The following DENND4B variants were observed in gnomAD, a reference collection of about 807,000 sequenced individuals.
DENND4B encodes the protein DENN domain containing 4B.
In DENND4B, 67 loss-of-function variants were observed where a neutral mutation model predicts 161.0. That is an observed-to-expected ratio of 0.42 (90% CI 0.34 to 0.51). The LOEUF is 0.51. DENND4B is among the 20% of genes least tolerant of loss of function. The pLI, the probability that DENND4B is intolerant of heterozygous loss-of-function variation, is 0.08. For synonymous variants in DENND4B, 753 were observed against 813.8 expected, an observed-to-expected ratio of 0.93 and a Z score of 1.27; for missense variants, 1,481 against 1,968.0, an observed-to-expected ratio of 0.75 and a Z score of 4.68.
chr1:153,932,123 A>T lies in DENND4B; in HGVS notation c.3996+81T>A. The T allele has an allele frequency of 7.5e-7, 1 of 1,337,976 alleles. No individual in the cohort carries two copies. Among genetic ancestry groups the T allele is most frequent in the South Asian group, 1.3e-5 (1 of 74,578 alleles). 82.9% of individuals were successfully genotyped at this position (1,337,976 alleles called of 1,614,324 possible). ...TGCCTGGCCAGTCTATGCTCTTTCT[A>T]CAGTGCCAAGGACACAGTGGACAAA... On this transcript the variant is annotated intron_variant, in intron 24 of 27. Coordinates refer to ENST00000361217, the MANE Select transcript of DENND4B (RefSeq NM_014856.3). The surrounding 1 kb of genome is among the most constrained non-coding windows in gnomAD (Gnocchi z 5.8).
chr1:153,931,864 C>T (rs1678965421), intron 24 of DENND4B, among the ~76,000 whole-genome samples: 1 of 149,840 alleles, frequency 6.7e-6, no homozygotes, highest in Admixed American at 6.7e-5. Context: ...AGGGCAATGG[C>T]GCGATCTCGG....
rs2102008635 is a variant in DENND4B at position 153,932,594 on chromosome 1, C to A, written c.3759+48G>T. The A allele has an allele frequency of 1.3e-6, 2 of 1,589,256 alleles. No individual in the cohort carries two copies. Among genetic ancestry groups the A allele is most frequent in the South Asian group, 2.3e-5 (2 of 88,262 alleles). ...TCTCCCTGGCACCCCACAGGCCCCA[C>A]ACAGGGCAACATTCCCGTTCCTCAT... On this transcript the variant is annotated intron_variant, in intron 23 of 27. Transcript: ENST00000361217. This position sits in a 1 kb window ranked among gnomAD's most constrained non-coding sequence, Gnocchi z 5.8.
intron 13 of DENND4B, among the ~76,000 whole-genome samples, chr1:153,938,102 G>C (rs931053537): frequency 6.6e-6 from 1 of 152,190 alleles, no homozygotes; most frequent in Non-Finnish European, 1.5e-5. Flanking sequence ...TTAAGATATA[G>C]AGTTGTGTTT....
At position 153,936,814 on chromosome 1, in the gene DENND4B, T is replaced by G. The variant is rs1679367381; in HGVS notation, c.2233-66A>C. ...AGGTCTTTCTTACTTATCTATTTAT[T>G]TATTTATTTATGACGGTCTCGCTCT... is the stretch of plus-strand genomic sequence containing the variant. On this transcript the variant is annotated intron_variant, in intron 15 of 27. Coordinates refer to ENST00000361217, the MANE Select transcript of DENND4B (RefSeq NM_014856.3). The surrounding 1 kb of genome is among the most constrained non-coding windows in gnomAD (Gnocchi z 4.1). 1.4e-6 allele frequency: 2 copies of G among 1,380,466 alleles called. No homozygotes were observed. Among genetic ancestry groups the G allele is most frequent in the African/African-American group, 1.5e-5 (1 of 68,156 alleles). 85.5% of individuals were successfully genotyped at this position (1,380,466 alleles called of 1,614,324 possible). A position where few individuals can be genotyped will look rare whatever the true frequency, so the allele number is the denominator to read the frequency against.
chr1:153,934,665 A>G lies in DENND4B; in HGVS notation c.2773+95T>C, dbSNP rs1293863794. On this transcript the variant is annotated intron_variant, in intron 18 of 27. Transcript: ENST00000361217. This position sits in a 1 kb window ranked among gnomAD's most constrained non-coding sequence, Gnocchi z 5.3. Reference sequence around the variant, plus strand: ...TAATTTATCAATCCCCAGAAACCCAATGCCAACCATTAGACCAGCCCCAAC... The same window carrying G: ...TAATTTATCAATCCCCAGAAACCCAGTGCCAACCATTAGACCAGCCCCAAC... 1.0e-5 allele frequency: 15 copies of G among 1,506,378 alleles called. No individual in the cohort carries two copies. In the African/African-American group the frequency reaches 1.1e-4, roughly 11 times the overall value. The allele number at this position is 1,506,378 out of a possible 1,614,324, so 93.3% of individuals were successfully genotyped here.
chr1:153,944,583 T>C lies in DENND4B; in HGVS notation c.-23-186A>G, dbSNP rs1027670729. On this transcript the variant is annotated intron_variant, in intron 1 of 27. Coordinates refer to ENST00000361217, the MANE Select transcript of DENND4B (RefSeq NM_014856.3). This position sits in a 1 kb window ranked among gnomAD's most constrained non-coding sequence, Gnocchi z 4.8. Reference sequence around the variant, plus strand: ...ACCACAGCTTCTTAAAGAGACCAGATCCCTCCCACTTAATGGTCCTGGCAC... The same window carrying C: ...ACCACAGCTTCTTAAAGAGACCAGACCCCTCCCACTTAATGGTCCTGGCAC... 6.6e-6 allele frequency among the ~76,000 whole-genome samples: 1 copy of C among 152,072 alleles called. No individual in the cohort carries two copies. Among genetic ancestry groups the C allele is most frequent in the Non-Finnish European group, 1.5e-5 (1 of 67,998 alleles).
Position 153,942,147 on chromosome 1 carries a change from C to A in DENND4B, c.811-34G>T. ...GGGCAGAAGGGTAGTCAGGCAGGCC[C>A]TGCATAGCCTGGACCCCTTGCCACA... is the stretch of plus-strand genomic sequence containing the variant. On this transcript the variant is annotated intron_variant, in intron 5 of 27. Coordinates refer to ENST00000361217, the MANE Select transcript of DENND4B (RefSeq NM_014856.3). This position sits in a 1 kb window ranked among gnomAD's most constrained non-coding sequence, Gnocchi z 6.9. The A allele has an allele frequency of 6.2e-7, 1 of 1,613,958 alleles. No homozygotes were observed. Among genetic ancestry groups the A allele is most frequent in the Non-Finnish European group, 8.5e-7 (1 of 1,179,864 alleles).
chr1:153,946,141 G>C lies in DENND4B; in HGVS notation c.-24+160C>G, dbSNP rs1375549864. ...CGGGCACGGCGAGCTAATTGCGGGA[G>C]GTGCCCTCCCCTCCACTTTCACTTC... On this transcript the variant is annotated intron_variant, in intron 1 of 27. Coordinates refer to ENST00000361217, the MANE Select transcript of DENND4B (RefSeq NM_014856.3). The surrounding 1 kb of genome is among the most constrained non-coding windows in gnomAD (Gnocchi z 6.3). Among the ~76,000 whole-genome samples, 2 of 152,150 alleles carry C rather than the reference G, an allele frequency of 1.3e-5. No homozygotes were observed. The highest frequency in any genetic ancestry group is 4.8e-5 in the African/African-American group (2 of 41,454).
intron 13 of DENND4B, among the ~76,000 whole-genome samples, chr1:153,938,462 G>A (rs1179098426): frequency 1.3e-5 from 2 of 149,242 alleles, no homozygotes; most frequent in African/African-American, 4.9e-5. Flanking sequence ...CAGCACCTTG[G>A]GAGGCCGAGG....
At position 153,934,210 on chromosome 1, in the gene DENND4B, CA is replaced by C. The variant is rs1679173395; in HGVS notation, c.2865del (p.Gly956AspfsTer4). 1 of 1,606,296 alleles carries C rather than the reference CA, an allele frequency of 6.2e-7. No individual in the cohort carries two copies. Among genetic ancestry groups the C allele is most frequent in the Admixed American group, 1.7e-5 (1 of 57,952 alleles). On this transcript the variant is annotated frameshift_variant, in exon 19 of 28. Coordinates refer to ENST00000361217, the MANE Select transcript of DENND4B (RefSeq NM_014856.3). LOFTEE classifies it high-confidence loss of function. The surrounding 1 kb of genome is among the most constrained non-coding windows in gnomAD (Gnocchi z 5.3). ...AGGCTACCACTCTTCACCAGGCGTC[CA>C]GGGGGTGAGGCTGGGTCTCTCAGAC... Reference protein sequence around the residue: ...GRSLRDPASPPGRLVKSGSLG... With the variant: ...GRSLRDPASPXGRLVKSGSLG...
rs1679993508 is a variant in DENND4B, at chr1:153,946,693, G to A, written c.-416C>T. The A allele has an allele frequency of 2.7e-6, 1 of 374,272 alleles. No individual in the cohort carries two copies. Among genetic ancestry groups the A allele is most frequent in the East Asian group, 3.9e-5 (1 of 25,960 alleles). 23.2% of individuals were successfully genotyped at this position (374,272 alleles called of 1,614,324 possible). A position where few individuals can be genotyped will look rare whatever the true frequency, so the allele number is the denominator to read the frequency against. On this transcript the variant is annotated 5_prime_UTR_variant, in exon 1 of 28. Coordinates refer to ENST00000361217, the MANE Select transcript of DENND4B (RefSeq NM_014856.3). This position sits in a 1 kb window ranked among gnomAD's most constrained non-coding sequence, Gnocchi z 6.3. ...CTACCCCCACCCCTCCTCCTCGGCCGGCGGCCGTGACCCTGGCAAGCGTCT... is the reference window on the plus strand; with the variant it reads ...CTACCCCCACCCCTCCTCCTCGGCCAGCGGCCGTGACCCTGGCAAGCGTCT...
At chr1:153,941,110 T>C (rs1679639376) in intron 8 of DENND4B, 62 bp from the exon 9 acceptor site, 1 of 1,561,154 alleles carries the variant, frequency 6.4e-7, no homozygotes, top group African/African-American at 1.4e-5. Flanking sequence ...CTTCCCCAGA[T>C]GCCAGGCACA....
At chr1:153,931,890 G>A (rs1049147525) in intron 24 of DENND4B, among the ~76,000 whole-genome samples, 7 of 150,378 alleles carry the variant, frequency 4.7e-5, no homozygotes, top group Non-Finnish European at 1.0e-4. Context: ...CACAACCTCC[G>A]CCTCCCAGGT....
rs1234450820 is a variant in DENND4B at position 153,933,160 on chromosome 1, T to C, written c.3453+37A>G. On this transcript the variant is annotated intron_variant, in intron 21 of 27. Coordinates refer to ENST00000361217, the MANE Select transcript of DENND4B (RefSeq NM_014856.3). The surrounding 1 kb of genome is among the most constrained non-coding windows in gnomAD (Gnocchi z 5.7). ...GGACAGGGTGAGTGTGTGCTATGTG[T>C]GTTCAAGCACATCTGTGTGGGAGGG... 3 of 1,612,216 alleles carry C rather than the reference T, an allele frequency of 1.9e-6. No individual in the cohort carries two copies. Among genetic ancestry groups the C allele is most frequent in the Admixed American group, 1.7e-5 (1 of 59,634 alleles).
chr1:153,939,986 G>A, intron 11 of DENND4B, 170 bp downstream of exon 11: 1 of 810,392 alleles, frequency 1.2e-6, no homozygotes, highest in Non-Finnish European at 1.9e-6. Flanking sequence ...AATACTGTCT[G>A]CCCTTCCTTC....
At position 153,937,947 on chromosome 1, in the gene DENND4B, G is replaced by A; in HGVS notation, c.1966-84C>T. ...GTGTCTAGACGATGGCATCTCCCAG[G>A]AAAGCTCATCCACAAGGAAAGAGAC... On this transcript the variant is annotated intron_variant, in intron 13 of 27. Transcript: ENST00000361217. The surrounding 1 kb of genome is among the most constrained non-coding windows in gnomAD (Gnocchi z 4.7). 1 of 1,580,276 alleles carries A rather than the reference G, an allele frequency of 6.3e-7. No individual in the cohort carries two copies. The highest frequency in any genetic ancestry group is 1.1e-5 in the South Asian group (1 of 88,364).
intron 24 of DENND4B, among the ~76,000 whole-genome samples, chr1:153,931,354 C>G (rs1678914110): frequency 6.6e-6 from 1 of 152,192 alleles, no homozygotes. Flanking sequence ...GTACCAGGCT[C>G]TGCACAAGGT....
chr1:153,937,829 GGT>G lies in DENND4B; in HGVS notation c.1998_1999del (p.Pro667LeufsTer11). 1 of 1,613,996 alleles carries G rather than the reference GGT, an allele frequency of 6.2e-7. No homozygotes were observed. ...TGACAGCTCCTCTAGCTCCACTAAG[GGT>G]GTCGGCTCAGGCTTCTCCTGCTCTG... is the stretch of plus-strand genomic sequence containing the variant. On this transcript the variant is annotated frameshift_variant, in exon 14 of 28. Coordinates refer to ENST00000361217, the MANE Select transcript of DENND4B (RefSeq NM_014856.3). LOFTEE classifies it high-confidence loss of function. This position sits in a 1 kb window ranked among gnomAD's most constrained non-coding sequence, Gnocchi z 4.7.
chr1:153,942,279 T>C lies in DENND4B; in HGVS notation c.718A>G (p.Met240Val). Residue 240 changes from methionine to valine, a missense_variant, in exon 5 of 28, where the codon ATG becomes GTG. Coordinates refer to ENST00000361217, the MANE Select transcript of DENND4B (RefSeq NM_014856.3). The surrounding 1 kb of genome is among the most constrained non-coding windows in gnomAD (Gnocchi z 6.9). ...GGCCAGCACTCGATAGTGGCCCCCATGGGCAGGCAGAAGACGGGCACTGAC... is the reference window on the plus strand; with the variant it reads ...GGCCAGCACTCGATAGTGGCCCCCACGGGCAGGCAGAAGACGGGCACTGAC... ...PESVPVFCLP[M>V]GATIECWPAQ... 3 of 1,613,682 alleles carry C rather than the reference T, an allele frequency of 1.9e-6. No individual in the cohort carries two copies. The highest frequency in any genetic ancestry group is 2.5e-6 in the Non-Finnish European group (3 of 1,179,810).
Sources: allele counts gnomAD v4.1 joint callset (sites outside exome capture counted in the v4.1 genomes callset), GRCh38; gene constraint gnomAD v4.1.1; non-coding constraint Gnocchi (gnomAD v3.1); transcripts MANE v1.5; gene names NCBI Gene and HGNC (gene_info 2026-07-23, HGNC 2026-07-21).